The following CENPP variants were observed in gnomAD, a reference collection of about 807,000 sequenced individuals.
CENPP encodes the protein centromere protein P.
In CENPP, 24 loss-of-function variants were observed where a neutral mutation model predicts 35.6. The observed-to-expected ratio is 0.67, with a 90% CI of 0.49 to 0.95. CENPP has a LOEUF of 0.95. CENPP is among the 40% of genes least tolerant of loss of function. The pLI is 0.00. For synonymous variants in CENPP, 120 were observed against 125.5 expected (o/e 0.96, Z 0.29); for missense variants, 332 against 345.3 (o/e 0.96, Z 0.31).
intron 4 of CENPP, among the ~76,000 whole-genome samples, chr9:92,364,811 A>G (rs1318280733): frequency 6.6e-6 from 1 of 152,222 alleles, no homozygotes; most frequent in East Asian, 1.9e-4. Context: ...ATGGTAGAGT[A>G]CATGCTATAG....
intron 5 of CENPP, among the ~76,000 whole-genome samples, chr9:92,468,950 A>C (rs1845412064): frequency 6.6e-6 from 1 of 152,242 alleles, no homozygotes; most frequent in Non-Finnish European, 1.5e-5. Flanking sequence ...GTAATAAAAT[A>C]ATGATATGAT....
At chr9:92,329,211 T>G (rs1840661591) in intron 1 of CENPP, among the ~76,000 whole-genome samples, 1 of 147,900 alleles carries the variant, frequency 6.8e-6, no homozygotes, top group African/African-American at 2.5e-5. Context: ...TGAGACGGAG[T>G]TTCGCTCTTG....
intron 5 of CENPP, chr9:92,457,493 A>G (rs1425126846): frequency 7.6e-6 from 12 of 1,583,018 alleles, no homozygotes; most frequent in Non-Finnish European, 1.0e-5. Flanking sequence ...TATCTGTTGT[A>G]GTAGGAAAAA....
At chr9:92,423,809 G>A (rs1033011216) in intron 5 of CENPP, among the ~76,000 whole-genome samples, 2 of 151,990 alleles carry the variant, frequency 1.3e-5, no homozygotes, top group Admixed American at 6.6e-5. Flanking sequence ...CCCCCCAACC[G>A]GAATCACTAG....
intron 5 of CENPP, among the ~76,000 whole-genome samples, chr9:92,515,533 C>T (rs1320879275): frequency 1.3e-5 from 2 of 152,072 alleles, no homozygotes; most frequent in African/African-American, 4.8e-5. Context: ...GGTAAGCAAT[C>T]CTGTTGTGAG....
In CENPP at chr9:92,588,693, A is replaced by G. The variant is rs73526019; in HGVS notation, c.565-22621A>G. 1.5e-3 allele frequency among the ~76,000 whole-genome samples: 224 copies of G among 152,306 alleles called. 2 individuals are homozygous for G. The highest frequency in any genetic ancestry group is 5.2e-3 in the African/African-American group (217 of 41,584). On this transcript the variant is annotated intron_variant, in intron 5 of 7. Coordinates refer to ENST00000375587, the MANE Select transcript of CENPP (RefSeq NM_001012267.3). Reference sequence around the variant, plus strand: ...CTTAGTTGAAATCTTCCATAAACCCATAAGAGAATCACTTCACACCCATTA... The same window carrying G: ...CTTAGTTGAAATCTTCCATAAACCCGTAAGAGAATCACTTCACACCCATTA...
intron 3 of CENPP, among the ~76,000 whole-genome samples, chr9:92,339,103 G>A (rs1841025493): frequency 6.6e-6 from 1 of 152,206 alleles, no homozygotes; most frequent in Non-Finnish European, 1.5e-5. Context: ...GTGCAAAGAG[G>A]AGGAACAGAA....
intron 5 of CENPP, chr9:92,385,851 T>A: frequency 6.4e-7 from 1 of 1,550,714 alleles, no homozygotes. Context: ...ATATGCTATA[T>A]AATGGGTAAA....
At chr9:92,352,508 T>C (rs1220581824) in intron 4 of CENPP, among the ~76,000 whole-genome samples, 3 of 92,634 alleles carry the variant, frequency 3.2e-5, no homozygotes, top group Non-Finnish European at 5.9e-5. Flanking sequence ...TGTGTGTGTA[T>C]ACATATATAT....
rs1588328387 is a variant in CENPP at position 92,617,882 on chromosome 9, A to G, written c.*4733A>G. ...GATCCAACTTGAGACATTTTCCTTTATGACAGGGCAGAAACAGTAGTGCAG... is the reference window on the plus strand; with the variant it reads ...GATCCAACTTGAGACATTTTCCTTTGTGACAGGGCAGAAACAGTAGTGCAG... On this transcript the variant is annotated 3_prime_UTR_variant, in exon 8 of 8. Coordinates refer to ENST00000375587, the MANE Select transcript of CENPP (RefSeq NM_001012267.3). 4.8e-6 allele frequency: 1 copy of G among 210,522 alleles called. No homozygotes were observed. The highest frequency in any genetic ancestry group is 1.2e-4 in the East Asian group (1 of 8,244). 13.0% of individuals were successfully genotyped at this position (210,522 alleles called of 1,614,324 possible). A position where few individuals can be genotyped will look rare whatever the true frequency, so the allele number is the denominator to read the frequency against.
intron 5 of CENPP, among the ~76,000 whole-genome samples, chr9:92,504,231 G>A (rs1006696020): frequency 1.3e-5 from 2 of 152,186 alleles, no homozygotes; most frequent in African/African-American, 4.8e-5. Context: ...TATTTCTTAA[G>A]AACCCAGGAG....
intron 5 of CENPP, chr9:92,424,310 CTG>C (rs1163427874): frequency 4.6e-5 from 7 of 152,180 alleles, no homozygotes; most frequent in Admixed American, 4.6e-4. Context: ...CACAGTAACT[CTG>C]TGTCCAGACA....
rs1427181424 is a variant in CENPP, at chr9:92,620,484, T to C, written c.*7335T>C. 3 of 152,242 alleles carry C rather than the reference T, an allele frequency of 2.0e-5. No individual in the cohort carries two copies. The highest frequency in any genetic ancestry group is 4.8e-5 in the African/African-American group (2 of 41,456). 9.4% of individuals were successfully genotyped at this position (152,242 alleles called of 1,614,324 possible). On this transcript the variant is annotated 3_prime_UTR_variant, in exon 8 of 8. Transcript: ENST00000375587. ...CATATATGGTTTGCATTGTTTTAGA[T>C]GGCATAGCTCTCGCTTTCACAAAAA...
chr9:92,455,878 T>C (rs572450488), intron 5 of CENPP, among the ~76,000 whole-genome samples: 2 of 152,314 alleles, frequency 1.3e-5, no homozygotes, highest in South Asian at 4.1e-4. Flanking sequence ...GAGACTAGCC[T>C]GGCCAACATG....
intron 5 of CENPP, among the ~76,000 whole-genome samples, chr9:92,501,468 T>C (rs570833379): frequency 1.3e-5 from 2 of 152,334 alleles, no homozygotes; most frequent in Admixed American, 1.3e-4. Flanking sequence ...TTGGTTTGTT[T>C]TGGCTTGTTT....
intron 5 of CENPP, among the ~76,000 whole-genome samples, chr9:92,579,813 C>CCCTG (rs1166498545): frequency 1.5e-5 from 2 of 133,144 alleles, no homozygotes; most frequent in Non-Finnish European, 3.1e-5. Flanking sequence ...TGCCTAATTG[C>CCCTG]CCTGGCCAGA....
intron 4 of CENPP, among the ~76,000 whole-genome samples, chr9:92,346,017 C>CA (rs1198593608): frequency 1.3e-5 from 2 of 151,642 alleles, no homozygotes; most frequent in African/African-American, 4.8e-5. Flanking sequence ...AAAATGTGAG[C>CA]AAAAAAAGAC....
At chr9:92,370,412 A>G (rs1841981213) in intron 4 of CENPP, among the ~76,000 whole-genome samples, 1 of 152,174 alleles carries the variant, frequency 6.6e-6, no homozygotes, top group African/African-American at 2.4e-5. Flanking sequence ...TCTTCTATGT[A>G]TGTTTGATAG....
At chr9:92,448,412 G>C (rs79327781) in intron 5 of CENPP, among the ~76,000 whole-genome samples, 1 of 152,006 alleles carries the variant, frequency 6.6e-6, no homozygotes, top group African/African-American at 2.4e-5. Flanking sequence ...TGGGATTACA[G>C]GTGCCCACCA....
Sources: allele counts gnomAD v4.1 joint callset (sites outside exome capture counted in the v4.1 genomes callset), GRCh38; gene constraint gnomAD v4.1.1; transcripts MANE v1.5; gene names NCBI Gene and HGNC (gene_info 2026-07-23, HGNC 2026-07-21).